Variants in PITX1 observed in about 807,000 individuals in gnomAD.
The protein encoded by PITX1 is paired like homeodomain 1, also known as pituitary homeobox 1.
Under a neutral mutation model 24.1 loss-of-function variants are expected in PITX1, and 5 were observed. The ratio of observed to expected loss-of-function variants is 0.21; its 90% confidence interval spans 0.11 to 0.44. The LOEUF (loss-of-function observed/expected upper bound fraction) is 0.44, where lower values mean the gene tolerates loss of function less well. Ranked by LOEUF, PITX1 falls within the 20% of genes least tolerant of loss-of-function variation. PITX1 has a pLI of 0.99. For synonymous variants in PITX1, 213 were observed against 208.9 expected (o/e 1.02, Z -0.17); for missense variants, 401 against 455.4 (o/e 0.88, Z 1.09).
rs1255178004 is a variant in PITX1 at position 135,028,465 on chromosome 5, G to GGA, written c.*312_*313dup. 1 of 53,462 alleles carries GGA rather than the reference G, an allele frequency of 1.9e-5. No homozygotes were observed. The highest frequency in any genetic ancestry group is 2.1e-4 in the African/African-American group (1 of 4,714). The allele number at this position is 53,462 out of a possible 1,614,324, so 3.3% of individuals were successfully genotyped here. ...GCGGAGTGGGCCTCCGGGGCCCGTGGGAACACACACACCACCCGCGCCATC... is the reference window on the plus strand; with the variant it reads ...GCGGAGTGGGCCTCCGGGGCCCGTGGGAGAACACACACACCACCCGCGCCATC... On this transcript the variant is annotated 3_prime_UTR_variant, in exon 3 of 3. Coordinates refer to ENST00000265340, the MANE Select transcript of PITX1 (RefSeq NM_002653.5).
In PITX1 at chr5:135,028,782, G is replaced by C. The variant is rs374745950; in HGVS notation, c.942C>G (p.Ser314Arg). 6.3e-7 allele frequency: 1 copy of C among 1,586,958 alleles called. No homozygotes were observed. The highest frequency in any genetic ancestry group is 8.6e-7 in the Non-Finnish European group (1 of 1,166,950). The change falls in exon 3 of 3, where the codon AGC becomes AGG. Residue 314 changes from serine (S) to arginine (R), a missense_variant. Transcript: ENST00000265340. ...CCCGCGTGGTGCGGCGGGGCGGTCA[G>C]CTGTTGTACTGGCACGCGTTGAGGC... is the stretch of plus-strand genomic sequence containing the variant. ...ASGLNACQYN[S>R]
chr5:135,031,548 C>A (rs770326025), intron 1 of PITX1, 40 bp from the exon 2 acceptor site: 5 of 1,515,362 alleles, frequency 3.3e-6, no homozygotes, highest in Non-Finnish European at 4.5e-6. Flanking sequence ...CCTGGGCTTA[C>A]GCCCCGTTGC....
chr5:135,031,519 C>T lies in PITX1; in HGVS notation c.170-11G>A. On this transcript the variant is annotated splice_polypyrimidine_tract_variant and intron_variant, in intron 1 of 2. Coordinates refer to ENST00000265340, the MANE Select transcript of PITX1 (RefSeq NM_002653.5). ...CGCCGCGCTCCTTCTCTGCAGTAGG[C>T]AGGACGGGGAGCGGGTCACCTGGGC... is the stretch of plus-strand genomic sequence containing the variant. 1.2e-6 allele frequency: 2 copies of T among 1,602,268 alleles called. No homozygotes were observed. The highest frequency in any genetic ancestry group is 4.5e-5 in the East Asian group (2 of 44,640).
In PITX1 at chr5:135,028,982, GGTTGTTGAT is replaced by G. The variant is rs1561470690; in HGVS notation, c.733_741del (p.Ile245_Asn247del). 1 of 1,614,220 alleles carries G rather than the reference GGTTGTTGAT, an allele frequency of 6.2e-7. No homozygotes were observed. The highest frequency in any genetic ancestry group is 1.1e-5 in the South Asian group (1 of 91,084). Reference sequence around the variant, plus strand: ...GCCGAGTTGAGCGAGGAGCCGGTGAGGTTGTTGATGTTGTTGAGGCCCGAGTTGGGCATG... The same window carrying G: ...GCCGAGTTGAGCGAGGAGCCGGTGAGGTTGTTGAGGCCCGAGTTGGGCATG... On this transcript the variant is annotated inframe_deletion, in exon 3 of 3. Transcript: ENST00000265340.
In PITX1 at chr5:135,033,596, C is replaced by G; in HGVS notation, c.169+117G>C. On this transcript the variant is annotated intron_variant, in intron 1 of 2. Transcript: ENST00000265340. The surrounding 1 kb of genome is among the most constrained non-coding windows in gnomAD (Gnocchi z 5.9). ...AACGGGAAAAAGAAAGCTCCTGACG[C>G]TTCTGGGGCGGAGAGGGAGCTTGGT... 1 of 1,062,400 alleles carries G rather than the reference C, an allele frequency of 9.4e-7. No individual in the cohort carries two copies. Among genetic ancestry groups the G allele is most frequent in the African/African-American group, 1.6e-5 (1 of 62,224 alleles). 65.8% of individuals were successfully genotyped at this position (1,062,400 alleles called of 1,614,324 possible). A position where few individuals can be genotyped will look rare whatever the true frequency, so the allele number is the denominator to read the frequency against.
intron 1 of PITX1, 87 bp from the exon 2 acceptor site, chr5:135,031,595 C>T: frequency 1.8e-6 from 2 of 1,096,146 alleles, no homozygotes; most frequent in Non-Finnish European, 2.6e-6. Flanking sequence ...TCGCCACCAG[C>T]GCTGGCGGTC....
rs1466455949 is a variant in PITX1, at chr5:135,029,092, T to C, written c.632A>G (p.Gln211Arg). 1 of 1,614,124 alleles carries C rather than the reference T, an allele frequency of 6.2e-7. No homozygotes were observed. Among genetic ancestry groups the C allele is most frequent in the Non-Finnish European group, 8.5e-7 (1 of 1,180,006 alleles). The change falls in exon 3 of 3, where the codon CAG becomes CGG. Residue 211 changes from glutamine to arginine, a missense_variant. Around this residue, in one of 3 missense-constraint regions of PITX1, gnomAD observed 217 missense variants for 219.8 expected, o/e 0.99. Transcript: ENST00000265340. ...FFNSMSPLSS[Q>R]SMFSAPSSIS... ...GGAGCTGGGTGCTGAGAACATGGAC[T>C]GCGACGACAGCGGGCTCATGGAGTT...
In PITX1 at chr5:135,033,534, C is replaced by T. The variant is rs1312986365; in HGVS notation, c.169+179G>A. The T allele has an allele frequency of 7.7e-6, 5 of 652,730 alleles. No individual in the cohort carries two copies. The highest frequency in any genetic ancestry group is 1.3e-5 in the Non-Finnish European group (5 of 384,884). The allele number at this position is 652,730 out of a possible 1,614,324, so 40.4% of individuals were successfully genotyped here. ...TGGGGACCGCGTGGAAGTGCCTTCGCGTGTGCGTAAGTTTCCGCGTTCACC... is the reference window on the plus strand; with the variant it reads ...TGGGGACCGCGTGGAAGTGCCTTCGTGTGTGCGTAAGTTTCCGCGTTCACC... On this transcript the variant is annotated intron_variant, in intron 1 of 2. Transcript: ENST00000265340. This position sits in a 1 kb window ranked among gnomAD's most constrained non-coding sequence, Gnocchi z 5.9.
At chr5:135,030,380 A>T (rs1049125740) in intron 2 of PITX1, among the ~76,000 whole-genome samples, 12 of 152,126 alleles carry the variant, frequency 7.9e-5, no homozygotes, top group Non-Finnish European at 1.5e-4. Context: ...CTGTGTCTTC[A>T]TTCCAAGTCC....
chr5:135,029,405 G>A (rs915816894), intron 2 of PITX1, 84 bp from the exon 3 acceptor site: 3 of 1,149,144 alleles, frequency 2.6e-6, no homozygotes, highest in Non-Finnish European at 3.7e-6. Flanking sequence ...GGAGCCTTCC[G>A]TCGGCCCGCT....
In PITX1 at chr5:135,028,976, C is replaced by T. The variant is rs748803285; in HGVS notation, c.748G>A (p.Gly250Ser). The change falls in exon 3 of 3, where the codon GGC (glycine) becomes AGC (serine). Residue 250 changes from glycine (G) to serine (S), a missense_variant. By Grantham distance (56) the Gly-to-Ser change is moderately conservative. This residue lies in a region of PITX1 where 217 missense variants were observed against 219.8 expected (regional missense o/e 0.99). Transcript: ENST00000265340. ...SGLNNINNLT[G>S]SSLNSAMSPG... ...GACATGGCCGAGTTGAGCGAGGAGC[C>T]GGTGAGGTTGTTGATGTTGTTGAGG... 9 of 1,614,102 alleles carry T rather than the reference C, an allele frequency of 5.6e-6. No individual in the cohort carries two copies. In the Admixed American group the frequency reaches 1.3e-4, roughly 24 times the overall value.
In PITX1 at chr5:135,031,336, G is replaced by T. The variant is rs757467616; in HGVS notation, c.342C>A (p.Pro114=). 1 of 1,614,090 alleles carries T rather than the reference G, an allele frequency of 6.2e-7. No homozygotes were observed. The highest frequency in any genetic ancestry group is 1.1e-5 in the South Asian group (1 of 91,088). The part of the protein sequence containing the change: ...LEATFQRNRY[P]DMSMREEIAV... ...CGATCTCCTCCCTCATGCTCATGTCGGGGTAGCGGTTCCTCTGGAACGTGG... is the reference window on the plus strand; with the variant it reads ...CGATCTCCTCCCTCATGCTCATGTCTGGGTAGCGGTTCCTCTGGAACGTGG... Residue 114 remains proline (P), a synonymous_variant, in exon 2 of 3, where the codon CCC becomes CCA. Coordinates refer to ENST00000265340, the MANE Select transcript of PITX1 (RefSeq NM_002653.5).
Position 135,031,496 on chromosome 5 carries a change from C to T in PITX1, c.182G>A (p.Gly61Asp). The T allele has an allele frequency of 6.2e-7, 1 of 1,611,496 alleles. No homozygotes were observed. ...SDTELPEKER[G>D]GEPKGPEDSG... ...GTCCTCGGGCCCCTTGGGTTCCCCG[C>T]CGCGCTCCTTCTCTGCAGTAGGCAG... The change falls in exon 2 of 3, where the codon GGC (glycine) becomes GAC (aspartate). Residue 61 changes from glycine to aspartate, a missense_variant. Gly to Asp is a moderately conservative substitution (Grantham distance 94). Transcript: ENST00000265340.
chr5:135,028,930 C>G lies in PITX1; in HGVS notation c.794G>C (p.Gly265Ala). 1 of 1,613,932 alleles carries G rather than the reference C, an allele frequency of 6.2e-7. No individual in the cohort carries two copies. The highest frequency in any genetic ancestry group is 8.5e-7 in the Non-Finnish European group (1 of 1,179,938). ...GACGCTGTAGGGCGAGGCGGGAGTGCCGTACGGGCAAGCGCCCGGCGACAT... is the reference window on the plus strand; with the variant it reads ...GACGCTGTAGGGCGAGGCGGGAGTGGCGTACGGGCAAGCGCCCGGCGACAT... ...SAMSPGACPY[G>A]TPASPYSVYR... The change falls in exon 3 of 3, where the codon GGC becomes GCC. Residue 265 changes from glycine (G) to alanine (A), a missense_variant. Gly to Ala is a moderately conservative substitution (Grantham distance 60). This residue lies in a region of PITX1 where 217 missense variants were observed against 219.8 expected (regional missense o/e 0.99). Transcript: ENST00000265340.
In PITX1 at chr5:135,033,133, G is replaced by T. The variant is rs1752489060; in HGVS notation, c.169+580C>A. On this transcript the variant is annotated intron_variant, in intron 1 of 2. Transcript: ENST00000265340. This position sits in a 1 kb window ranked among gnomAD's most constrained non-coding sequence, Gnocchi z 5.9. ...CGCACGTGGGCCGGATCCCTTGATC[G>T]GCGTTCCGGCTGGCCTTGCTGGGAG... is the stretch of plus-strand genomic sequence containing the variant. The T allele has an allele frequency of 5.7e-6, 2 of 350,326 alleles. No homozygotes were observed. Among genetic ancestry groups the T allele is most frequent in the African/African-American group, 2.3e-5 (1 of 43,660 alleles). The allele number at this position is 350,326 out of a possible 1,614,324, so 21.7% of individuals were successfully genotyped here.
chr5:135,031,354 G>A lies in PITX1; in HGVS notation c.324C>T (p.Phe108=), dbSNP rs781431926. 24 of 1,613,994 alleles carry A rather than the reference G, an allele frequency of 1.5e-5. No homozygotes were observed. The East Asian group carries it at 2.0e-4, about 13-fold the overall frequency. Residue 108 remains phenylalanine, a synonymous_variant, in exon 2 of 3, where the codon TTC becomes TTT. Transcript: ENST00000265340. The stretch of plus-strand genomic sequence containing the variant: ...TCATGTCGGGGTAGCGGTTCCTCTG[G>A]AACGTGGCCTCTAGCTCTTGCAACT... The part of the protein sequence containing the change: ...SQQLQELEAT[F]QRNRYPDMSM...
intron 2 of PITX1, among the ~76,000 whole-genome samples, 166 bp from the exon 3 acceptor site, chr5:135,029,487 C>T (rs1752413200): frequency 6.6e-6 from 1 of 152,260 alleles, no homozygotes; most frequent in Non-Finnish European, 1.5e-5. Context: ...TGGTTCCTTT[C>T]CTGTCCCCAG....
chr5:135,031,168 G>A (rs1024997659), intron 2 of PITX1, 108 bp downstream of exon 2: 12 of 825,522 alleles, frequency 1.5e-5, no homozygotes, highest in Non-Finnish European at 2.4e-5. Flanking sequence ...AGGTCTGAAT[G>A]GTGGGAGAGT....
intron 2 of PITX1, among the ~76,000 whole-genome samples, chr5:135,030,947 C>T (rs948367307): frequency 2.7e-4 from 41 of 152,320 alleles, no homozygotes; most frequent in African/African-American, 9.9e-4. Flanking sequence ...GTCTCTGGCC[C>T]AGGGTATCCT....
Sources: allele counts gnomAD v4.1 joint callset (sites outside exome capture counted in the v4.1 genomes callset), GRCh38; gene constraint gnomAD v4.1.1; regional missense constraint gnomAD v4.1.1; non-coding constraint Gnocchi (gnomAD v3.1); transcripts MANE v1.5; gene names NCBI Gene and HGNC (gene_info 2026-07-23, HGNC 2026-07-21).